The following STX8 variants were observed in gnomAD, a reference collection of about 807,000 sequenced individuals.
The protein encoded by STX8 is syntaxin 8, also known as syntaxin-8.
STX8 carries 23 observed loss-of-function variants against 37.5 expected under a neutral mutation model. The ratio of observed to expected loss-of-function variants is 0.61; its 90% CI spans 0.44 to 0.87. The LOEUF (loss-of-function observed/expected upper bound fraction) is 0.87. Among genes scored for constraint, STX8 ranks in the 40% least tolerant of loss-of-function variants. STX8 has a pLI of 0.00. For missense variants in STX8, 313 were observed against 284.7 expected (o/e 1.10, Z -0.71); for synonymous variants, 115 against 99.1 (o/e 1.16, Z -0.95).
intron 6 of STX8, among the ~76,000 whole-genome samples, chr17:9,379,883 G>A (rs931831645): frequency 4.0e-5 from 6 of 151,844 alleles, no homozygotes; most frequent in Non-Finnish European, 5.9e-5. Context: ...CAGGAGAATC[G>A]CTTGAACCAG....
At chr17:9,503,934 T>G (rs1904722269) in intron 5 of STX8, among the ~76,000 whole-genome samples, 1 of 151,888 alleles carries the variant, frequency 6.6e-6, no homozygotes, top group South Asian at 2.1e-4. Flanking sequence ...CCAGCTAATT[T>G]TTTATTTTTA....
At chr17:9,542,918 G>A (rs1285929121) in intron 4 of STX8, among the ~76,000 whole-genome samples, 1 of 151,928 alleles carries the variant, frequency 6.6e-6, no homozygotes, top group African/African-American at 2.4e-5. Flanking sequence ...AGAGAAGAGG[G>A]GTGACAAAGG....
intron 7 of STX8, among the ~76,000 whole-genome samples, chr17:9,288,399 C>T (rs959553090): frequency 2.0e-5 from 3 of 151,952 alleles, no homozygotes; most frequent in South Asian, 2.1e-4. Flanking sequence ...CGGTGGCTCA[C>T]GCCTGTAATC....
chr17:9,327,782 C>G lies in STX8; in HGVS notation c.643+50770G>C, dbSNP rs190251636. On this transcript the variant is annotated intron_variant, in intron 7 of 7. Transcript: ENST00000306357. ...CCTCCACCTCCTGGGCCTGAGTGAT[C>G]CCCCTGCCTCAGCCTCCTGAATACT... 2.5e-3 allele frequency among the ~76,000 whole-genome samples: 386 copies of G among 152,212 alleles called. 1 individual carries two copies. The highest frequency in any genetic ancestry group is 8.9e-3 in the African/African-American group (369 of 41,534).
At chr17:9,524,959 C>A (rs1905505351) in intron 4 of STX8, among the ~76,000 whole-genome samples, 1 of 152,032 alleles carries the variant, frequency 6.6e-6, no homozygotes, top group Non-Finnish European at 1.5e-5. Flanking sequence ...AGGCATGCAC[C>A]ACCATGTCTG....
At chr17:9,422,724 A>T (rs1336777754) in intron 6 of STX8, among the ~76,000 whole-genome samples, 1 of 152,234 alleles carries the variant, frequency 6.6e-6, no homozygotes, top group Non-Finnish European at 1.5e-5. Flanking sequence ...TGCAATGGTG[A>T]ATAGCTGCAA....
chr17:9,384,594 G>A lies in STX8; in HGVS notation c.542-5941C>T, dbSNP rs568558936. 2.0e-5 allele frequency among the ~76,000 whole-genome samples: 3 copies of A among 152,030 alleles called. No individual in the cohort carries two copies. In the South Asian group the frequency reaches 6.2e-4, roughly 32 times the overall value. On this transcript the variant is annotated intron_variant, in intron 6 of 7. Transcript: ENST00000306357. ...CGGAGCTTGCAGAGAGCCAAGAAAG[G>A]CACCCACTGCACTCCAGCCTGAGCA...
At chr17:9,315,773 AG>A (rs879924674) in intron 7 of STX8, among the ~76,000 whole-genome samples, 27 of 152,148 alleles carry the variant, frequency 1.8e-4, no homozygotes, top group Non-Finnish European at 3.7e-4. Context: ...GCACTTCAGG[AG>A]GCTGAGGTAG....
intron 7 of STX8, among the ~76,000 whole-genome samples, chr17:9,257,229 G>A (rs1174154226): frequency 6.6e-6 from 1 of 152,122 alleles, no homozygotes; most frequent in Non-Finnish European, 1.5e-5. Context: ...TACAAGTCCA[G>A]CTCATGGCAA....
Position 9,421,917 on chromosome 17 carries a change from G to A in STX8, c.542-43264C>T, listed in dbSNP as rs148639842. 6.2e-4 allele frequency among the ~76,000 whole-genome samples: 94 copies of A among 152,112 alleles called. 2 individuals carry two copies. In the East Asian group the frequency reaches 0.011, roughly 18 times the overall value. ...TCACAAGATCTGGTGGTCTGAAAGC[G>A]GAGCACCTCCCCCTTTGTTCTCTCT... On this transcript the variant is annotated intron_variant, in intron 6 of 7. Coordinates refer to ENST00000306357, the MANE Select transcript of STX8 (RefSeq NM_004853.3).
intron 7 of STX8, among the ~76,000 whole-genome samples, chr17:9,278,342 G>A (rs1031382442): frequency 5.9e-5 from 9 of 152,176 alleles, no homozygotes; most frequent in African/African-American, 1.2e-4. Flanking sequence ...CCAGCTACTC[G>A]GGAGGCTGAG....
At chr17:9,465,632 A>G (rs1905578123) in intron 6 of STX8, among the ~76,000 whole-genome samples, 1 of 152,154 alleles carries the variant, frequency 6.6e-6, no homozygotes, top group Non-Finnish European at 1.5e-5. Flanking sequence ...GAGTTCAAAC[A>G]TTTCTTCAAG....
chr17:9,562,616 A>G (rs1907292435), intron 2 of STX8, among the ~76,000 whole-genome samples: 1 of 6,360 alleles, frequency 1.6e-4, no homozygotes, highest in South Asian at 0.013. Context: ...AAAAAAAAAT[A>G]TATATATATA....
At chr17:9,431,276 G>A (rs9898057) in intron 6 of STX8, among the ~76,000 whole-genome samples, 3,926 of 133,336 alleles carry the variant, frequency 0.029, no homozygotes, top group African/African-American at 0.11. Context: ...TCACCATGTT[G>A]GCCAGGATGG....
intron 6 of STX8, among the ~76,000 whole-genome samples, chr17:9,476,296 C>T (rs775036582): frequency 1.3e-5 from 2 of 152,146 alleles, no homozygotes; most frequent in African/African-American, 2.4e-5. Flanking sequence ...AATTAGCAGA[C>T]GTGAGGAAAA....
At chr17:9,331,789 C>T (rs1009272767) in intron 7 of STX8, among the ~76,000 whole-genome samples, 2 of 152,154 alleles carry the variant, frequency 1.3e-5, no homozygotes, top group Non-Finnish European at 2.9e-5. Flanking sequence ...TCCCCCCTCT[C>T]TGCCTTTTTC....
At chr17:9,313,839 C>T (rs1197123082) in intron 7 of STX8, among the ~76,000 whole-genome samples, 1 of 152,202 alleles carries the variant, frequency 6.6e-6, no homozygotes, top group Non-Finnish European at 1.5e-5. Flanking sequence ...ACTATGTTAG[C>T]CAGGATGGTC....
At chr17:9,520,627 A>G (rs770430812) in intron 4 of STX8, among the ~76,000 whole-genome samples, 26 of 152,330 alleles carry the variant, frequency 1.7e-4, no homozygotes, top group Admixed American at 3.9e-4. Context: ...TAAAGACATA[A>G]AATGATTTCA....
At chr17:9,256,012 C>T (rs1906783688) in intron 7 of STX8, among the ~76,000 whole-genome samples, 1 of 152,198 alleles carries the variant, frequency 6.6e-6, no homozygotes, top group Non-Finnish European at 1.5e-5. Context: ...CTTTTTGAAG[C>T]CAGGGAAAGC....
Sources: gnomAD v4.1 joint callset for allele counts (sites outside exome capture counted in the v4.1 genomes callset) on GRCh38, gnomAD v4.1.1 for gene constraint, MANE v1.5 for transcripts, NCBI Gene and HGNC (gene_info 2026-07-23, HGNC 2026-07-21) for gene names.